Variants in PVT1 observed in about 807,000 individuals in gnomAD.
PVT1 encodes the protein Pvt1 oncogene.
chr8:127,854,232 G>A (rs558880357), intron 2 of PVT1, among the ~76,000 whole-genome samples: 199 of 152,332 alleles, frequency 1.3e-3, no homozygotes, highest in Admixed American at 2.4e-3. Context: ...GTAAGTCTCC[G>A]GCAGTGGGCA....
chr8:127,861,472 C>T (rs552283371), intron 2 of PVT1, among the ~76,000 whole-genome samples: 5 of 152,288 alleles, frequency 3.3e-5, no homozygotes, highest in South Asian at 2.1e-4. Flanking sequence ...ATAGATCACC[C>T]GTAATTATCA....
chr8:127,927,382 T>C (rs954797825), intron 3 of PVT1, among the ~76,000 whole-genome samples: 3 of 152,188 alleles, frequency 2.0e-5, no homozygotes, highest in Non-Finnish European at 4.4e-5. Flanking sequence ...CTGGTCTCAT[T>C]GCTTTTGTTC....
chr8:127,979,497 C>T (rs542312548), intron 3 of PVT1, among the ~76,000 whole-genome samples: 8 of 152,168 alleles, frequency 5.3e-5, no homozygotes, highest in East Asian at 1.9e-4. Context: ...AGGAAACAGA[C>T]GCTAAGATGT....
intron 2 of PVT1, among the ~76,000 whole-genome samples, chr8:127,833,069 C>A (rs143925730): frequency 5.9e-5 from 9 of 152,298 alleles, no homozygotes; most frequent in Middle Eastern, 3.4e-3. Flanking sequence ...GTGGGCAACA[C>A]TATTATGGCT....
intron 2 of PVT1, among the ~76,000 whole-genome samples, chr8:127,865,844 C>T (rs1815281125): frequency 6.6e-6 from 1 of 152,166 alleles, no homozygotes; most frequent in Non-Finnish European, 1.5e-5. Flanking sequence ...GGAGTGGGAG[C>T]TGAGGGCAGT....
At chr8:127,866,806 G>C (rs1427264407) in intron 2 of PVT1, among the ~76,000 whole-genome samples, 5 of 152,308 alleles carry the variant, frequency 3.3e-5, no homozygotes, top group Non-Finnish European at 5.9e-5. Flanking sequence ...TGGGCTCCGA[G>C]ACCTAGGCAG....
At chr8:127,894,098 T>C (rs1255827726) in intron 3 of PVT1, among the ~76,000 whole-genome samples, 1 of 152,234 alleles carries the variant, frequency 6.6e-6, no homozygotes, top group Admixed American at 6.5e-5. Flanking sequence ...CCAACCTGTG[T>C]TGTTTTCACT....
At chr8:127,876,998 G>T (rs1425330693) in intron 2 of PVT1, among the ~76,000 whole-genome samples, 1 of 152,200 alleles carries the variant, frequency 6.6e-6, no homozygotes, top group South Asian at 2.1e-4. Context: ...CGGAAGCCCA[G>T]CTAATCCAGG....
chr8:128,030,103 A>G (rs1813371462), intron 4 of PVT1, among the ~76,000 whole-genome samples: 1 of 152,126 alleles, frequency 6.6e-6, no homozygotes, highest in African/African-American at 2.4e-5. Flanking sequence ...ACAGAATGAG[A>G]TGCCATCTTA....
In PVT1 at chr8:127,864,878, T is replaced by G. The variant is rs114885042; in HGVS notation, n.373-25711T>G. 6.1e-3 allele frequency among the ~76,000 whole-genome samples: 922 copies of G among 152,260 alleles called. 10 individuals carry two copies. Among genetic ancestry groups the G allele is most frequent in the African/African-American group, 0.021 (869 of 41,546 alleles). On this transcript the variant is annotated intron_variant and non_coding_transcript_variant, in intron 2 of 10. Coordinates refer to ENST00000651587, the Ensembl canonical transcript of PVT1. The stretch of plus-strand genomic sequence containing the variant: ...ATTTCTAACACAGAGAAATTCTCAG[T>G]GGAGGCCGCGGGAACTAGAGATAGA...
At chr8:127,925,719 G>A (rs759645924) in intron 3 of PVT1, among the ~76,000 whole-genome samples, 34 of 152,128 alleles carry the variant, frequency 2.2e-4, no homozygotes, top group South Asian at 6.2e-4. Context: ...TCGGCTCACC[G>A]CAACCTCTGC....
At chr8:128,038,957 C>A (rs1313982614) in intron 4 of PVT1, among the ~76,000 whole-genome samples, 1 of 152,128 alleles carries the variant, frequency 6.6e-6, no homozygotes, top group Non-Finnish European at 1.5e-5. Context: ...AGGGACCTTG[C>A]AGCCATTGTG....
At chr8:127,954,902 GTCC>G (rs1179008933) in intron 3 of PVT1, among the ~76,000 whole-genome samples, 3 of 152,160 alleles carry the variant, frequency 2.0e-5, no homozygotes, top group Non-Finnish European at 4.4e-5. Context: ...TGTCCTCCAG[GTCC>G]TCCATCCTTT....
At position 127,840,240 on chromosome 8, in the gene PVT1, T is replaced by C. The variant is rs79036413; in HGVS notation, n.372+44169T>C. ...CACTGCCATCAGGAGAACGTCTTTC[T>C]CTATGCTAGGTGTGAACAGTCACCC... On this transcript the variant is annotated intron_variant and non_coding_transcript_variant, in intron 2 of 10. Coordinates refer to ENST00000651587, the Ensembl canonical transcript of PVT1. Among the ~76,000 whole-genome samples, 1,115 of 152,300 alleles carry C rather than the reference T, an allele frequency of 7.3e-3. 20 individuals are homozygous for C. Among genetic ancestry groups the C allele is most frequent in the African/African-American group, 0.025 (1,037 of 41,574 alleles).
rs2648867 is a variant in PVT1 at position 128,052,529 on chromosome 8, G to A, written n.913-17631G>A. ...TTGTGAAGGTATATTTTTCATGGGT[G>A]GTTGTTCAAATTGCTGTTTCTATGA... On this transcript the variant is annotated intron_variant and non_coding_transcript_variant, in intron 4 of 10. Transcript: ENST00000651587. 7.4e-4 allele frequency among the ~76,000 whole-genome samples: 112 copies of A among 152,260 alleles called. 1 individual carries two copies. In the East Asian group the frequency reaches 0.021, roughly 28 times the overall value.
At chr8:128,093,786 C>T (rs137898921) in intron 5 of PVT1, among the ~76,000 whole-genome samples, 1,708 of 151,914 alleles carry the variant, frequency 0.011, 32 homozygotes, top group African/African-American at 0.039. Context: ...TACAGGTGCG[C>T]GCCACCACGC....
rs557830270 is a variant in PVT1 at position 127,984,998 on chromosome 8, C to T, written n.783-4164C>T. On this transcript the variant is annotated intron_variant and non_coding_transcript_variant, in intron 3 of 10. Transcript: ENST00000651587. ...TCCTTCCTTTCTTTCTTTCTCTTTC[C>T]TTCCTTCCTTCCTTCCTTCCTTCCT... 2.1e-3 allele frequency among the ~76,000 whole-genome samples: 232 copies of T among 109,214 alleles called. 1 individual carries two copies. The highest frequency in any genetic ancestry group is 9.9e-3 in the African/African-American group (207 of 20,988). The allele number at this position is 109,214 out of a possible 152,430, so 71.6% of individuals were successfully genotyped here. A position where few individuals can be genotyped will look rare whatever the true frequency, so the allele number is the denominator to read the frequency against.
intron 4 of PVT1, among the ~76,000 whole-genome samples, chr8:128,066,967 A>G (rs1222091281): frequency 6.6e-6 from 1 of 151,902 alleles, no homozygotes; most frequent in Non-Finnish European, 1.5e-5. Flanking sequence ...CTAGGCCTTC[A>G]TCACTGAATG....
In PVT1 at chr8:127,817,528, A is replaced by AATATATATATATATATATATAT. The variant is rs36101639; in HGVS notation, n.372+21476_372+21477insTATATATATATATATATATATA. Among the ~76,000 whole-genome samples, 103 of 68,680 alleles carry AATATATATATATATATATATAT rather than the reference A, an allele frequency of 1.5e-3. 1 individual carries two copies. The East Asian group carries it at 0.02, about 13-fold the overall frequency. 45.1% of individuals were successfully genotyped at this position (68,680 alleles called of 152,430 possible). On this transcript the variant is annotated intron_variant and non_coding_transcript_variant, in intron 2 of 10. Coordinates refer to ENST00000651587, the Ensembl canonical transcript of PVT1. Reference sequence around the variant, plus strand: ...ATATTTAAATAGATATATCTATTTAAATATATATATATATATATACACACA... The same window carrying AATATATATATATATATATATAT: ...ATATTTAAATAGATATATCTATTTAAATATATATATATATATATATATATATATATATATATATATACACACA...
Sources: gnomAD v4.1 joint callset for allele counts (sites outside exome capture counted in the v4.1 genomes callset) on GRCh38, gnomAD v4.1.1 for gene constraint, MANE v1.5 for transcripts, NCBI Gene and HGNC (gene_info 2026-07-23, HGNC 2026-07-21) for gene names.